Variants in ZNRF2 observed in about 807,000 individuals in gnomAD.
The protein encoded by ZNRF2 is E3 ubiquitin-protein ligase ZNRF2.
In ZNRF2, 16 loss-of-function variants were observed where a neutral mutation model predicts 20.4. That is an observed-to-expected ratio of 0.79 (90% CI 0.53 to 1.19). The LOEUF (loss-of-function observed/expected upper bound fraction) is 1.19. Ranked by LOEUF, ZNRF2 falls within the 50% of genes most tolerant of loss-of-function variation. The pLI is 0.00. For synonymous variants in ZNRF2, 178 were observed against 144.9 expected (o/e 1.23, Z -1.64); for missense variants, 363 against 332.4 (o/e 1.09, Z -0.72).
chr7:30,339,974 A>T (rs1799770814), intron 2 of ZNRF2, among the ~76,000 whole-genome samples: 5 of 152,090 alleles, frequency 3.3e-5, no homozygotes, highest in Non-Finnish European at 7.4e-5. Context: ...GAGGTCCTTC[A>T]CATCTCTTGT....
intron 2 of ZNRF2, among the ~76,000 whole-genome samples, chr7:30,337,783 T>C (rs1799738199): frequency 6.6e-6 from 1 of 151,958 alleles, no homozygotes; most frequent in Non-Finnish European, 1.5e-5. Context: ...TTAAATTAAT[T>C]TAAATTTTAT....
At position 30,285,211 on chromosome 7, in the gene ZNRF2, C is replaced by T; in HGVS notation, c.-147C>T. ...AGCGCGCCGGGCGCCGACTGCCCCT[C>T]TGGACGCCGGGCGGCGGCCCTGGAC... On this transcript the variant is annotated 5_prime_UTR_variant, in exon 1 of 5. Coordinates refer to ENST00000323037, the MANE Select transcript of ZNRF2 (RefSeq NM_147128.4). 3.4e-6 allele frequency: 2 copies of T among 582,484 alleles called. No homozygotes were observed. Among genetic ancestry groups the T allele is most frequent in the East Asian group, 1.2e-4 (1 of 8,480 alleles). The allele number at this position is 582,484 out of a possible 1,614,324, so 36.1% of individuals were successfully genotyped here. A position where few individuals can be genotyped will look rare whatever the true frequency, so the allele number is the denominator to read the frequency against.
At chr7:30,299,995 A>T (rs777861982) in intron 1 of ZNRF2, among the ~76,000 whole-genome samples, 1 of 151,842 alleles carries the variant, frequency 6.6e-6, no homozygotes, top group Non-Finnish European at 1.5e-5. Context: ...TGTGTTAGCC[A>T]GGATGGTCTT....
chr7:30,319,412 C>A (rs1799432388), intron 1 of ZNRF2, among the ~76,000 whole-genome samples: 1 of 152,168 alleles, frequency 6.6e-6, no homozygotes, highest in Non-Finnish European at 1.5e-5. Flanking sequence ...GTAGTAGTAT[C>A]AGTGTTTACA....
At chr7:30,308,313 T>C (rs755303930) in intron 1 of ZNRF2, among the ~76,000 whole-genome samples, 1 of 152,192 alleles carries the variant, frequency 6.6e-6, no homozygotes, top group Non-Finnish European at 1.5e-5. Flanking sequence ...AACCATTCCA[T>C]TGTTGGGTGT....
At chr7:30,356,881 AT>A (rs1467987760) in intron 3 of ZNRF2, among the ~76,000 whole-genome samples, 1 of 151,768 alleles carries the variant, frequency 6.6e-6, no homozygotes, top group Non-Finnish European at 1.5e-5. Context: ...AATTTTTTAT[AT>A]TTTTAGTAGA....
At chr7:30,322,824 T>G (rs1284055640) in intron 1 of ZNRF2, among the ~76,000 whole-genome samples, 1 of 152,158 alleles carries the variant, frequency 6.6e-6, no homozygotes, top group Non-Finnish European at 1.5e-5. Flanking sequence ...ATGGTATATC[T>G]GAGGACTGTC....
intron 2 of ZNRF2, among the ~76,000 whole-genome samples, chr7:30,332,276 AT>A (rs1799645981): frequency 6.6e-6 from 1 of 152,194 alleles, no homozygotes; most frequent in South Asian, 2.1e-4. Context: ...TTCACAGGTA[AT>A]GAGTGCTAAG....
intron 1 of ZNRF2, among the ~76,000 whole-genome samples, chr7:30,298,545 A>C (rs1159873554): frequency 6.6e-6 from 1 of 152,234 alleles, no homozygotes; most frequent in African/African-American, 2.4e-5. Context: ...ACAATCGTTT[A>C]TGCTAGTGAT....
chr7:30,344,170 C>T (rs1367852747), intron 2 of ZNRF2, among the ~76,000 whole-genome samples: 1 of 151,546 alleles, frequency 6.6e-6, no homozygotes, highest in African/African-American at 2.4e-5. Context: ...GATCTGCCTG[C>T]CTTGGCCTCC....
intron 2 of ZNRF2, among the ~76,000 whole-genome samples, chr7:30,344,250 A>G (rs1386914274): frequency 4.7e-5 from 7 of 149,410 alleles, no homozygotes; most frequent in African/African-American, 1.7e-4. Flanking sequence ...TTTTTTTTTA[A>G]TTAGAAATAA....
At chr7:30,317,636 G>A (rs1041224948) in intron 1 of ZNRF2, among the ~76,000 whole-genome samples, 3 of 152,202 alleles carry the variant, frequency 2.0e-5, no homozygotes, top group Non-Finnish European at 4.4e-5. Flanking sequence ...GTGGCATGGG[G>A]TTGCTTGCAT....
At chr7:30,303,475 A>G (rs908248449) in intron 1 of ZNRF2, among the ~76,000 whole-genome samples, 1 of 152,180 alleles carries the variant, frequency 6.6e-6, no homozygotes, top group African/African-American at 2.4e-5. Context: ...GGGGTGAAGA[A>G]TGAGAATTTG....
chr7:30,290,321 T>A (rs1260399764), intron 1 of ZNRF2, among the ~76,000 whole-genome samples: 1 of 152,234 alleles, frequency 6.6e-6, no homozygotes, highest in Non-Finnish European at 1.5e-5. Context: ...AATTTAGTGG[T>A]TCTAAGCAAC....
chr7:30,335,009 T>C (rs920769294), intron 2 of ZNRF2, among the ~76,000 whole-genome samples: 8 of 148,562 alleles, frequency 5.4e-5, no homozygotes, highest in African/African-American at 2.1e-4. Flanking sequence ...TTATGGGTTA[T>C]TTTAAAAGAA....
intron 2 of ZNRF2, among the ~76,000 whole-genome samples, chr7:30,345,181 C>T (rs1268418833): frequency 6.6e-6 from 1 of 151,004 alleles, no homozygotes; most frequent in Non-Finnish European, 1.5e-5. Flanking sequence ...TACTGCATTT[C>T]CTTTTCTCGT....
Position 30,285,733 on chromosome 7 carries a change from G to A in ZNRF2, c.376G>A (p.Gly126Ser), listed in dbSNP as rs776251695. The A allele has an allele frequency of 1.1e-5, 16 of 1,477,160 alleles. 1 individual carries two copies. In the South Asian group the frequency reaches 2.1e-4, roughly 20 times the overall value. The allele number at this position is 1,477,160 out of a possible 1,614,324, so 91.5% of individuals were successfully genotyped here. ...GCACAGCAGCCCTGAGGACGGCGGCGGCGGCCGGGACCGGCCGGTGGGCGG... is the reference window on the plus strand; with the variant it reads ...GCACAGCAGCCCTGAGGACGGCGGCAGCGGCCGGGACCGGCCGGTGGGCGG... Reference protein sequence around the residue: ...SVHSSPEDGGGGRDRPVGGSP... With the variant: ...SVHSSPEDGGSGRDRPVGGSP... The change falls in exon 1 of 5, where the codon GGC becomes AGC. Residue 126 changes from glycine (G) to serine (S), a missense_variant. Gly to Ser is a moderately conservative substitution (Grantham distance 56). Around this residue, in one of 2 missense-constraint regions of ZNRF2, gnomAD observed 302 missense variants for 231.5 expected, o/e 1.30. Transcript: ENST00000323037.
chr7:30,299,604 G>A (rs74501594), intron 1 of ZNRF2, among the ~76,000 whole-genome samples: 4,504 of 152,068 alleles, frequency 0.03, 171 homozygotes, highest in African/African-American at 0.088. Flanking sequence ...TTCCTTTGCT[G>A]ATCCCATTGT....
chr7:30,345,588 A>G (rs1354195560), intron 2 of ZNRF2, among the ~76,000 whole-genome samples: 1 of 151,444 alleles, frequency 6.6e-6, no homozygotes, highest in East Asian at 1.9e-4. Context: ...CCTTTTCTGG[A>G]TCAAGTTGCT....
Sources: gnomAD v4.1 joint callset for allele counts (sites outside exome capture counted in the v4.1 genomes callset) on GRCh38, gnomAD v4.1.1 for gene constraint, gnomAD v4.1.1 regional missense constraint, MANE v1.5 for transcripts, NCBI Gene and HGNC (gene_info 2026-07-23, HGNC 2026-07-21) for gene names.